Variants in KIAA0753 observed in about 807,000 individuals in gnomAD.
The protein encoded by KIAA0753 is KIAA0753, also known as protein moonraker.
In KIAA0753, 114 loss-of-function variants were observed where a neutral mutation model predicts 116.9. That is an observed-to-expected ratio of 0.98 (90% CI 0.84 to 1.14). The LOEUF is 1.14. Ranked by LOEUF, KIAA0753 falls within the 50% of genes most tolerant of loss-of-function variation. The pLI, the probability that KIAA0753 is intolerant of heterozygous loss-of-function variation, is 0.00. For missense variants in KIAA0753, 1,156 were observed against 1,172.4 expected (o/e 0.99, Z 0.20); for synonymous variants, 405 against 413.1 (o/e 0.98, Z 0.24).
chr17:6,588,901 G>A (rs1227286680), intron 18 of KIAA0753, among the ~76,000 whole-genome samples: 1 of 152,156 alleles, frequency 6.6e-6, no homozygotes, highest in African/African-American at 2.4e-5. Flanking sequence ...GAAAGGAGGA[G>A]AAGGGTTAAA....
At chr17:6,618,136 A>G (rs1194609568) in intron 7 of KIAA0753, among the ~76,000 whole-genome samples, 3 of 151,882 alleles carry the variant, frequency 2.0e-5, no homozygotes, top group Non-Finnish European at 2.9e-5. Context: ...AAATCCCACA[A>G]CTACAGGGTT....
intron 13 of KIAA0753, among the ~76,000 whole-genome samples, chr17:6,599,945 C>A (rs189381728): frequency 2.0e-4 from 31 of 152,060 alleles, no homozygotes; most frequent in African/African-American, 6.8e-4. Flanking sequence ...CTTGGTGGTA[C>A]CATCTATAAT....
Position 6,608,933 on chromosome 17 carries a change from T to G in KIAA0753, c.1713-469A>C, listed in dbSNP as rs533233174. On this transcript the variant is annotated intron_variant, in intron 9 of 18. Coordinates refer to ENST00000361413, the MANE Select transcript of KIAA0753 (RefSeq NM_014804.3). ...GTAATACAAACTTCAACCACTGAGCTTATCAACTGAATGTAAATCTCCATA... is the reference window on the plus strand; with the variant it reads ...GTAATACAAACTTCAACCACTGAGCGTATCAACTGAATGTAAATCTCCATA... Among the ~76,000 whole-genome samples, 8 of 152,248 alleles carry G rather than the reference T, an allele frequency of 5.3e-5. No individual in the cohort carries two copies. The South Asian group carries it at 1.7e-3, about 32-fold the overall frequency.
intron 6 of KIAA0753, among the ~76,000 whole-genome samples, 166 bp downstream of exon 6, chr17:6,622,716 T>C (rs1971408676): frequency 2.6e-5 from 4 of 152,236 alleles, no homozygotes; most frequent in Admixed American, 2.6e-4. Context: ...CAGACTACAC[T>C]GTAAAAATAG....
At chr17:6,605,344 C>A (rs927901950) in intron 12 of KIAA0753, among the ~76,000 whole-genome samples, 2 of 152,186 alleles carry the variant, frequency 1.3e-5, no homozygotes. Flanking sequence ...CAGCCCCTCT[C>A]CTGACAAGGC....
At chr17:6,599,414 C>A in intron 13 of KIAA0753, 94 bp from the exon 14 acceptor site, 1 of 861,582 alleles carries the variant, frequency 1.2e-6, no homozygotes, top group Non-Finnish European at 1.9e-6. Flanking sequence ...TTGTGTGGAA[C>A]TATTCATCAG....
chr17:6,622,004 A>G (rs758933002), intron 6 of KIAA0753, among the ~76,000 whole-genome samples: 10 of 152,178 alleles, frequency 6.6e-5, no homozygotes, highest in Non-Finnish European at 1.5e-4. Context: ...AAGACCACCA[A>G]GAGCTGGTTA....
chr17:6,586,207 G>A (rs12946698), intron 18 of KIAA0753, among the ~76,000 whole-genome samples: 47,886 of 152,010 alleles, frequency 0.32, 8,499 homozygotes, highest in Admixed American at 0.4. Flanking sequence ...TACGTTTCCT[G>A]AGGTGTCCCG....
rs756123763 is a variant in KIAA0753 at position 6,596,139 on chromosome 17, C to G, written c.2358+19G>C. 1 of 1,608,042 alleles carries G rather than the reference C, an allele frequency of 6.2e-7. No individual in the cohort carries two copies. Among genetic ancestry groups the G allele is most frequent in the South Asian group, 1.1e-5 (1 of 90,712 alleles). ...GCCAGCCCCTAGCAGCGAACCAGAC[C>G]CGGAGCCCCAGACCTTACTTCCATC... On this transcript the variant is annotated intron_variant, in intron 15 of 18. Transcript: ENST00000361413.
intron 16 of KIAA0753, among the ~76,000 whole-genome samples, chr17:6,591,733 T>C (rs754222819): frequency 3.3e-5 from 5 of 152,260 alleles, no homozygotes; most frequent in Non-Finnish European, 5.9e-5. Context: ...CCTAACTTTG[T>C]GGCCAGTGGC....
At chr17:6,636,121 T>C (rs1056571316) in intron 1 of KIAA0753, 14 of 152,102 alleles carry the variant, frequency 9.2e-5, no homozygotes, top group African/African-American at 3.4e-4. Flanking sequence ...AAATTCAAGG[T>C]TTTTTTAAAA....
chr17:6,628,403 C>A lies in KIAA0753; in HGVS notation c.432G>T (p.Val144=). ...CTTGACTCTTTGATTCCTTCCTTTCCACCCTGTGGTCGGGTATTTTATACT... is the reference window on the plus strand; with the variant it reads ...CTTGACTCTTTGATTCCTTCCTTTCAACCCTGTGGTCGGGTATTTTATACT... ...HTKYKIPDHR[V]ERKESKSQAA... The change falls in exon 3 of 19, where the codon GTG becomes GTT. Residue 144 remains valine (V), a synonymous_variant. Coordinates refer to ENST00000361413, the MANE Select transcript of KIAA0753 (RefSeq NM_014804.3). 1 of 1,614,206 alleles carries A rather than the reference C, an allele frequency of 6.2e-7. No homozygotes were observed. The highest frequency in any genetic ancestry group is 8.5e-7 in the Non-Finnish European group (1 of 1,180,034).
chr17:6,601,960 A>T (rs1467417449), intron 12 of KIAA0753, among the ~76,000 whole-genome samples: 2 of 152,114 alleles, frequency 1.3e-5, no homozygotes, highest in Non-Finnish European at 2.9e-5. Flanking sequence ...ATCAACACTT[A>T]AAAAAAATTC....
At chr17:6,600,293 T>C (rs1969778969) in intron 13 of KIAA0753, 87 bp downstream of exon 13, 2 of 1,003,382 alleles carry the variant, frequency 2.0e-6, no homozygotes, top group African/African-American at 1.6e-5. Flanking sequence ...CTTAGCCCTA[T>C]AAAGGATCAA....
intron 7 of KIAA0753, among the ~76,000 whole-genome samples, chr17:6,620,029 G>A (rs1482592379): frequency 6.6e-6 from 1 of 152,166 alleles, no homozygotes; most frequent in Non-Finnish European, 1.5e-5. Flanking sequence ...CCAACAAAAT[G>A]CAGTATCCTA....
chr17:6,595,194 GT>G, intron 15 of KIAA0753, 141 bp from the exon 16 acceptor site: 1 of 634,008 alleles, frequency 1.6e-6, no homozygotes, highest in Non-Finnish European at 2.8e-6. Context: ...AGGCCAGGAA[GT>G]AATTAGTTCA....
Position 6,623,050 on chromosome 17 carries a change from C to A in KIAA0753, c.936G>T (p.Arg312=). The A allele has an allele frequency of 6.2e-7, 1 of 1,614,098 alleles. No individual in the cohort carries two copies. The highest frequency in any genetic ancestry group is 2.2e-5 in the East Asian group (1 of 44,874). The change falls in exon 6 of 19, where the codon CGG becomes CGT. Residue 312 remains arginine (R), a synonymous_variant. Coordinates refer to ENST00000361413, the MANE Select transcript of KIAA0753 (RefSeq NM_014804.3). ...KLAAAHRGAI[R]ALQMFVTQFT... The stretch of plus-strand genomic sequence containing the variant: ...ACTGAGTGACAAACATCTGTAAGGC[C>A]CGAATGGCTCCTCGATGGGCAGCCG...
intron 6 of KIAA0753, 150 bp downstream of exon 6, chr17:6,622,732 C>T (rs1971409406): frequency 4.5e-6 from 3 of 668,622 alleles, no homozygotes; most frequent in Non-Finnish European, 7.7e-6. Flanking sequence ...AATAGCAAAA[C>T]AAAAAGAAGT....
intron 3 of KIAA0753, 90 bp from the exon 4 acceptor site, chr17:6,624,951 G>C (rs1971570391): frequency 2.4e-6 from 2 of 844,760 alleles, no homozygotes; most frequent in African/African-American, 1.7e-5. Context: ...AAATAATAAA[G>C]TTGAAGATCT....
Sources: allele counts gnomAD v4.1 joint callset (sites outside exome capture counted in the v4.1 genomes callset), GRCh38; gene constraint gnomAD v4.1.1; transcripts MANE v1.5; gene names NCBI Gene and HGNC (gene_info 2026-07-23, HGNC 2026-07-21).